The following NYAP2 variants were observed in gnomAD, a reference collection of about 807,000 sequenced individuals.
NYAP2 encodes the protein neuronal tyrosine-phosphorylated phosphoinositide-3-kinase adapter 2.
A neutral mutation model predicts 50.4 loss-of-function variants in NYAP2; 23 were observed. That is an observed-to-expected ratio of 0.46 (90% CI 0.33 to 0.65). NYAP2 has a LOEUF of 0.65. Ranked by LOEUF, NYAP2 falls within the 30% of genes least tolerant of loss-of-function variation. The pLI is 0.02. For synonymous variants in NYAP2, 394 were observed against 365.2 expected, an observed-to-expected ratio of 1.08 and a Z score of -0.90; for missense variants, 885 against 861.0, an observed-to-expected ratio of 1.03 and a Z score of -0.35.
At chr2:225,492,991 CTT>C (rs113469511) in intron 3 of NYAP2, among the ~76,000 whole-genome samples, 3 of 144,374 alleles carry the variant, frequency 2.1e-5, no homozygotes, top group Non-Finnish European at 4.6e-5. Flanking sequence ...TTTATAGCAA[CTT>C]TTTTTTTTTT....
the NYAP2 span, among the ~76,000 whole-genome samples, chr2:225,685,453 T>G: frequency 6.6e-6 from 1 of 152,206 alleles, no homozygotes; most frequent in Admixed American, 6.5e-5. Context: ...GCCTTCTATT[T>G]ACAGAATTCT....
In NYAP2 at chr2:225,607,206, T is replaced by C. The variant is rs530271753; in HGVS notation, c.1619-19711T>C. On this transcript the variant is annotated intron_variant, in intron 5 of 6. Transcript: ENST00000636099. Reference sequence around the variant, plus strand: ...TAAGATCCAGAAGGCATTTCAGAGATGGTATGGCCTAAATCTCTTATTTGA... The same window carrying C: ...TAAGATCCAGAAGGCATTTCAGAGACGGTATGGCCTAAATCTCTTATTTGA... Among the ~76,000 whole-genome samples the C allele has an allele frequency of 5.3e-5, 8 of 152,212 alleles. No homozygotes were observed. In the South Asian group the frequency reaches 6.2e-4, roughly 12 times the overall value.
At chr2:225,662,588 TA>T in the NYAP2 span, among the ~76,000 whole-genome samples, 1 of 152,274 alleles carries the variant, frequency 6.6e-6, no homozygotes, top group Non-Finnish European at 1.5e-5. Flanking sequence ...TTTTCTAAAG[TA>T]AATGCTGCAT....
intron 3 of NYAP2, among the ~76,000 whole-genome samples, chr2:225,434,314 G>A (rs1003338530): frequency 3.9e-5 from 6 of 152,148 alleles, no homozygotes; most frequent in Non-Finnish European, 8.8e-5. Flanking sequence ...AGCCACAGTA[G>A]CACCAGCTTT....
intron 5 of NYAP2, among the ~76,000 whole-genome samples, chr2:225,604,312 G>T (rs904396575): frequency 1.3e-5 from 2 of 152,018 alleles, no homozygotes; most frequent in Non-Finnish European, 2.9e-5. Flanking sequence ...TCCTTTTTTG[G>T]CTTTAATGTG....
At chr2:225,502,646 C>T (rs949446957) in intron 3 of NYAP2, among the ~76,000 whole-genome samples, 5 of 152,160 alleles carry the variant, frequency 3.3e-5, no homozygotes, top group Admixed American at 2.6e-4. Flanking sequence ...TCACAAATCC[C>T]CTTCTTCCCC....
chr2:225,621,466 G>A (rs926037453), intron 5 of NYAP2, among the ~76,000 whole-genome samples: 2 of 152,116 alleles, frequency 1.3e-5, no homozygotes, highest in Non-Finnish European at 2.9e-5. Context: ...GTTGTCGGGG[G>A]CCAAAGGGAG....
chr2:225,497,999 T>G lies in NYAP2; in HGVS notation c.222-15372T>G, dbSNP rs191083460. ...TCTCTATTTTAAAAAGATTTTGGTC[T>G]TCTAGATTTATTCTACTGAAGCAAA... On this transcript the variant is annotated intron_variant, in intron 3 of 6. Coordinates refer to ENST00000636099, the Ensembl canonical transcript of NYAP2. 2.0e-5 allele frequency among the ~76,000 whole-genome samples: 3 copies of G among 152,332 alleles called. No individual in the cohort carries two copies. In the East Asian group the frequency reaches 5.8e-4, roughly 29 times the overall value.
chr2:225,648,460 C>T (rs921949621), intron 6 of NYAP2, among the ~76,000 whole-genome samples: 1 of 151,944 alleles, frequency 6.6e-6, no homozygotes, highest in African/African-American at 2.4e-5. Flanking sequence ...CCTAAAGTAT[C>T]TAGGAAACAC....
rs185091965 is a variant in NYAP2 at position 225,482,349 on chromosome 2, T to C, written c.222-31022T>C. Among the ~76,000 whole-genome samples the C allele has an allele frequency of 5.4e-3, 823 of 152,302 alleles. 9 individuals carry two copies. Among genetic ancestry groups the C allele is most frequent in the African/African-American group, 0.019 (776 of 41,574 alleles). On this transcript the variant is annotated intron_variant, in intron 3 of 6. Transcript: ENST00000636099. ...AGAACAAAAAGGATTGGTAATAGAA[T>C]GGTGCCTGTTAGAGTAGTGTACAGT...
chr2:225,410,149 TG>T (rs1695011010), intron 3 of NYAP2, among the ~76,000 whole-genome samples: 1 of 152,012 alleles, frequency 6.6e-6, no homozygotes, highest in African/African-American at 2.4e-5. Context: ...AATAACTTTA[TG>T]GAGAGAGAGA....
At chr2:225,480,598 A>G (rs1463282122) in intron 3 of NYAP2, among the ~76,000 whole-genome samples, 1 of 152,132 alleles carries the variant, frequency 6.6e-6, no homozygotes, top group Non-Finnish European at 1.5e-5. Context: ...TGATTGGGAC[A>G]TAGGATATAT....
At chr2:225,451,510 A>C (rs1248125921) in intron 3 of NYAP2, among the ~76,000 whole-genome samples, 2 of 152,154 alleles carry the variant, frequency 1.3e-5, no homozygotes, top group African/African-American at 2.4e-5. Flanking sequence ...TATATATATC[A>C]GGATGAATGC....
intron 3 of NYAP2, among the ~76,000 whole-genome samples, chr2:225,480,579 G>A (rs146984854): frequency 6.6e-6 from 1 of 152,196 alleles, no homozygotes; most frequent in East Asian, 1.9e-4. Flanking sequence ...AGAAAGGCGA[G>A]TATTTGCGTG....
At chr2:225,404,262 G>A (rs1351162106) in intron 2 of NYAP2, among the ~76,000 whole-genome samples, 25 of 151,860 alleles carry the variant, frequency 1.6e-4, no homozygotes, top group Admixed American at 1.6e-3. Flanking sequence ...GTCACATAGT[G>A]TCTTAGCTTC....
In NYAP2 at chr2:225,603,209, T is replaced by C. The variant is rs537966629; in HGVS notation, c.1618+20174T>C. 7.9e-5 allele frequency among the ~76,000 whole-genome samples: 12 copies of C among 152,312 alleles called. No homozygotes were observed. The East Asian group carries it at 2.1e-3, about 27-fold the overall frequency. Reference sequence around the variant, plus strand: ...GTATTAATATATAAACATTTAATCATGTTTATGCATCCATTCAGTCTTTCA... The same window carrying C: ...GTATTAATATATAAACATTTAATCACGTTTATGCATCCATTCAGTCTTTCA... On this transcript the variant is annotated intron_variant, in intron 5 of 6. Coordinates refer to ENST00000636099, the Ensembl canonical transcript of NYAP2.
upstream of NYAP2, among the ~76,000 whole-genome samples, chr2:225,399,281 C>A (rs1439587150): frequency 6.6e-6 from 1 of 151,836 alleles, no homozygotes; most frequent in African/African-American, 2.4e-5. Flanking sequence ...AAAACATGTA[C>A]ATTTTAGTTT....
chr2:225,686,644 G>A, the NYAP2 span, among the ~76,000 whole-genome samples: 1 of 152,114 alleles, frequency 6.6e-6, no homozygotes, highest in African/African-American at 2.4e-5. Flanking sequence ...CCTTTAGAGG[G>A]ACTTCTTTTG....
rs1212604833 is a variant in NYAP2 at position 225,582,597 on chromosome 2, G to A, written c.1180G>A (p.Glu394Lys). The A allele has an allele frequency of 2.5e-6, 4 of 1,598,182 alleles. No individual in the cohort carries two copies. ...CCACGTCCCCGGCCATGCGAAACTG[G>A]AGAAAGAGCAGGCCGCGGCCCTGGG... The change falls in exon 5 of 7, where the codon GAG (glutamate) becomes AAG (lysine). Residue 394 changes from glutamate to lysine, a missense_variant. Transcript: ENST00000636099. This position sits in a 1 kb window ranked among gnomAD's most constrained non-coding sequence, Gnocchi z 7.0.
Sources: gnomAD v4.1 joint callset for allele counts (sites outside exome capture counted in the v4.1 genomes callset) on GRCh38, gnomAD v4.1.1 for gene constraint, Gnocchi (gnomAD v3.1) non-coding constraint, MANE v1.5 for transcripts, NCBI Gene and HGNC (gene_info 2026-07-23, HGNC 2026-07-21) for gene names.